Variants in RGPD2 observed in about 807,000 individuals in gnomAD.
RGPD2 encodes RANBP2-like and GRIP domain-containing protein 2.
A neutral mutation model predicts 36.0 loss-of-function variants in RGPD2; 2 were observed. The ratio of observed to expected loss-of-function variants is 0.06; its 90% CI spans 0.02 to 0.17. The LOEUF (loss-of-function observed/expected upper bound fraction) is 0.17, where lower values mean the gene tolerates loss of function less well. Among genes scored for constraint, RGPD2 ranks in the 10% least tolerant of loss-of-function variants. The pLI is 1.00. For missense variants in RGPD2, 40 were observed against 464.3 expected (o/e 0.09, Z 8.40); for synonymous variants, 19 against 163.8 (o/e 0.12, Z 6.75).
At chr2:87,857,209 A>T in the RGPD2 span, among the ~76,000 whole-genome samples, 6 of 152,250 alleles carry the variant, frequency 3.9e-5, no homozygotes, top group Non-Finnish European at 7.3e-5. Flanking sequence ...CATAGCATAG[A>T]TTAGGAAAAT....
At chr2:87,914,103 T>A in the RGPD2 span, among the ~76,000 whole-genome samples, 5 of 151,182 alleles carry the variant, frequency 3.3e-5, no homozygotes, top group African/African-American at 1.2e-4. Context: ...ATGCCTCTTA[T>A]ACAAGGAGTC....
At chr2:87,897,740 C>G in the RGPD2 span, among the ~76,000 whole-genome samples, 1 of 151,406 alleles carries the variant, frequency 6.6e-6, no homozygotes, top group African/African-American at 2.4e-5. Context: ...CTTTTCTGTT[C>G]CTGTGTTAGT....
chr2:87,985,870 T>C, the RGPD2 span: 1 of 1,609,664 alleles, frequency 6.2e-7, no homozygotes, highest in Non-Finnish European at 8.5e-7. Context: ...TGAACTGCTA[T>C]TTCTTTTGGC....
the RGPD2 span, among the ~76,000 whole-genome samples, chr2:87,860,966 A>G: frequency 6.6e-6 from 1 of 151,914 alleles, no homozygotes; most frequent in African/African-American, 2.4e-5. Context: ...TATTATTCAG[A>G]TTAGCTTTAC....
At chr2:87,932,655 A>T in the RGPD2 span, among the ~76,000 whole-genome samples, 2 of 150,854 alleles carry the variant, frequency 1.3e-5, no homozygotes. Context: ...GGTGGTAACA[A>T]ATTTCTTCAG....
the RGPD2 span, among the ~76,000 whole-genome samples, chr2:87,927,732 A>G: frequency 6.6e-6 from 1 of 151,482 alleles, no homozygotes; most frequent in African/African-American, 2.4e-5. Context: ...ATGGAAACCT[A>G]CTTATAGTTT....
chr2:87,959,070 T>C, the RGPD2 span, among the ~76,000 whole-genome samples: 558 of 23,038 alleles, frequency 0.024, 129 homozygotes, highest in African/African-American at 0.043. Flanking sequence ...TTTTTAAGCA[T>C]GTCTTCTAGT....
the RGPD2 span, among the ~76,000 whole-genome samples, chr2:87,884,869 C>T: frequency 1.3e-5 from 2 of 152,132 alleles, no homozygotes; most frequent in Non-Finnish European, 2.9e-5. Flanking sequence ...ATTTAAAGAA[C>T]TAATGCCAAT....
chr2:87,830,606 T>G (rs1278659463), upstream of RGPD2, among the ~76,000 whole-genome samples: 1 of 152,140 alleles, frequency 6.6e-6, no homozygotes, highest in Non-Finnish European at 1.5e-5. Flanking sequence ...CTCATTCTCA[T>G]ACTGCTATGA....
chr2:87,864,887 T>C, the RGPD2 span, among the ~76,000 whole-genome samples: 1 of 152,274 alleles, frequency 6.6e-6, no homozygotes, highest in Non-Finnish European at 1.5e-5. Flanking sequence ...TACAAATATT[T>C]TCTCCCTGTC....
At chr2:87,985,957 G>A in the RGPD2 span, 11 of 1,378,004 alleles carry the variant, frequency 8.0e-6, 1 homozygote, top group Admixed American at 2.3e-4. Context: ...TACTCTGCAT[G>A]CATTTCTTTT....
chr2:87,935,195 G>A, the RGPD2 span, among the ~76,000 whole-genome samples: 1 of 142,964 alleles, frequency 7.0e-6, no homozygotes. Context: ...CATTCAGGTG[G>A]TGGTAAGGGA....
the RGPD2 span, among the ~76,000 whole-genome samples, chr2:87,858,210 A>G: frequency 7.9e-5 from 12 of 152,116 alleles, no homozygotes; most frequent in South Asian, 2.1e-4. Flanking sequence ...CCTGGGAGGC[A>G]GAGGTTGCAG....
At chr2:87,871,709 T>C in the RGPD2 span, among the ~76,000 whole-genome samples, 2 of 151,462 alleles carry the variant, frequency 1.3e-5, no homozygotes, top group Non-Finnish European at 2.9e-5. Context: ...CTACTAAAAA[T>C]ACAAAATTAG....
chr2:87,920,530 C>T, the RGPD2 span, among the ~76,000 whole-genome samples: 28 of 138,844 alleles, frequency 2.0e-4, no homozygotes, highest in African/African-American at 5.4e-4. Context: ...TCCATTTCTA[C>T]GAAGACACTA....
the RGPD2 span, among the ~76,000 whole-genome samples, chr2:87,966,183 T>C: frequency 3.9e-5 from 6 of 152,380 alleles, no homozygotes; most frequent in Admixed American, 6.5e-5. Flanking sequence ...CTGGTTATTC[T>C]TGTCTCACAG....
At chr2:87,890,146 TGCCCA>T in the RGPD2 span, among the ~76,000 whole-genome samples, 1 of 66,536 alleles carries the variant, frequency 1.5e-5, no homozygotes. Context: ...TTTTTCCTTA[TGCCCA>T]TTATATTACG....
chr2:87,828,859 G>GA (rs1686898303), upstream of RGPD2, among the ~76,000 whole-genome samples: 1 of 59,000 alleles, frequency 1.7e-5, no homozygotes, highest in South Asian at 1.0e-3. Context: ...ATGAATGTCA[G>GA]AAAAAAAATT....
At chr2:87,837,416 T>C in the RGPD2 span, among the ~76,000 whole-genome samples, 1 of 139,888 alleles carries the variant, frequency 7.1e-6, no homozygotes, top group African/African-American at 2.7e-5. Context: ...ATCAATAAGA[T>C]TTCTGAAAAT....
Sources: gnomAD v4.1 joint callset for allele counts (sites outside exome capture counted in the v4.1 genomes callset) on GRCh38, gnomAD v4.1.1 for gene constraint, MANE v1.5 for transcripts, NCBI Gene and HGNC (gene_info 2026-07-23, HGNC 2026-07-21) for gene names.